KRT8: variants seen among roughly 807,000 people sequenced by gnomAD.
KRT8 encodes the protein keratin, type II cytoskeletal 8.
Under a neutral mutation model 43.0 loss-of-function variants are expected in KRT8, and 24 were observed. The observed-to-expected ratio is 0.56, with a 90% CI of 0.40 to 0.78. The LOEUF (loss-of-function observed/expected upper bound fraction) is 0.78, where lower values mean the gene tolerates loss of function less well. Among genes scored for constraint, KRT8 ranks in the 30% least tolerant of loss-of-function variants. The probability of loss-of-function intolerance (pLI) is 0.00; values close to 1 mark genes in which losing one functional copy is unlikely to be tolerated. For synonymous variants in KRT8, 214 were observed against 261.2 expected (o/e 0.82, Z 1.74); for missense variants, 492 against 638.4 (o/e 0.77, Z 2.47).
intron 2 of KRT8, chr12:52,926,294 G>A: frequency 1.2e-6 from 1 of 835,230 alleles, no homozygotes; most frequent in Non-Finnish European, 1.9e-6. Flanking sequence ...TTCCTCATCT[G>A]GTGGCTGAGG....
At chr12:52,927,995 T>C (rs193165305) in intron 2 of KRT8, among the ~76,000 whole-genome samples, 1 of 152,006 alleles carries the variant, frequency 6.6e-6, no homozygotes, top group Non-Finnish European at 1.5e-5. Context: ...GAGGCGCAGG[T>C]TGCAGTGAGC....
At position 52,918,200 on chromosome 12, in the gene KRT8, A is replaced by AAGAAGAAGAAGAAGAAGAAGAAGG. The variant is rs1565725675; in HGVS notation, c.-46-13174_-46-13173insCCTTCTTCTTCTTCTTCTTCTTCT. 1.2e-4 allele frequency among the ~76,000 whole-genome samples: 14 copies of AAGAAGAAGAAGAAGAAGAAGAAGG among 121,252 alleles called. 2 individuals carry two copies. The highest frequency in any genetic ancestry group is 2.2e-4 in the Non-Finnish European group (13 of 59,296). The allele number at this position is 121,252 out of a possible 152,430, so 79.5% of individuals were successfully genotyped here. A position where few individuals can be genotyped will look rare whatever the true frequency, so the allele number is the denominator to read the frequency against. On this transcript the variant is annotated intron_variant, in intron 2 of 6. Transcript: ENST00000546826. The stretch of plus-strand genomic sequence containing the variant: ...GAAGAGGAAGAAGAAGAAGAAGAAG[A>AAGAAGAAGAAGAAGAAGAAGAAGG]AGAACAAGAAGAAGAAGAAGAAGAA...
exon 5 of KRT8, chr12:52,899,962 G>C (rs1941323771): frequency 6.2e-7 from 1 of 1,613,324 alleles, no homozygotes; most frequent in Admixed American, 1.7e-5. Context: ...CTCGTACTGT[G>C]CCTTGACCTC....
upstream of KRT8, among the ~76,000 whole-genome samples, chr12:52,910,238 G>A (rs1427889250): frequency 6.6e-6 from 1 of 152,146 alleles, no homozygotes; most frequent in Non-Finnish European, 1.5e-5. Context: ...ATCGCCCGTG[G>A]GAGATTATAA....
chr12:52,942,165 T>G (rs377448056), intron 2 of KRT8, among the ~76,000 whole-genome samples: 1 of 152,158 alleles, frequency 6.6e-6, no homozygotes, highest in Non-Finnish European at 1.5e-5. Flanking sequence ...TAAAGCTCCA[T>G]GTTGATGATT....
exon 5 of KRT8, chr12:52,900,049 T>C (rs756079882): frequency 1.2e-6 from 2 of 1,612,646 alleles, no homozygotes; most frequent in Non-Finnish European, 1.7e-6. Flanking sequence ...GATCTGGGAC[T>C]GCAGCTCCCG....
chr12:52,935,145 C>G (rs1025743602), intron 2 of KRT8, among the ~76,000 whole-genome samples: 1 of 151,554 alleles, frequency 6.6e-6, no homozygotes, highest in Non-Finnish European at 1.5e-5. Context: ...CTTTGGGAGG[C>G]CAAGGCAGAT....
At chr12:52,900,059 G>T in exon 5 of KRT8, 1 of 1,612,362 alleles carries the variant, frequency 6.2e-7, no homozygotes, top group Non-Finnish European at 8.5e-7. Context: ...TGCAGCTCCC[G>T]GATCTCCTGT....
At chr12:52,906,084 GAAA>G (rs1274834066), upstream of KRT8, among the ~76,000 whole-genome samples, 1 of 151,528 alleles carries the variant, frequency 6.6e-6, no homozygotes, top group Non-Finnish European at 1.5e-5. Flanking sequence ...CCATCTCAAA[GAAA>G]AAAAAGAGCG....
chr12:52,932,391 A>G (rs1265776645), intron 2 of KRT8, among the ~76,000 whole-genome samples: 1 of 152,126 alleles, frequency 6.6e-6, no homozygotes, highest in Non-Finnish European at 1.5e-5. Context: ...CTGGCAAATC[A>G]TTCTTAATAG....
intron 2 of KRT8, among the ~76,000 whole-genome samples, chr12:52,918,590 CAGA>C (rs1185262222): frequency 6.6e-6 from 1 of 152,184 alleles, no homozygotes; most frequent in East Asian, 1.9e-4. Flanking sequence ...AGGGTGCAAC[CAGA>C]AGAATTTCGC....
chr12:52,900,450 T>G, intron 4 of KRT8, 138 bp downstream of exon 4: 1 of 715,684 alleles, frequency 1.4e-6, no homozygotes, highest in Admixed American at 2.0e-5. Flanking sequence ...CGAGCAAATA[T>G]TGGTGGCTGT....
intron 2 of KRT8, among the ~76,000 whole-genome samples, chr12:52,945,291 C>T (rs57146250): frequency 1.3e-5 from 2 of 152,258 alleles, no homozygotes; most frequent in South Asian, 2.1e-4. Flanking sequence ...GCCTCCCAGG[C>T]GATCCCTTCC....
upstream of KRT8, among the ~76,000 whole-genome samples, chr12:52,909,818 G>A (rs1941596440): frequency 6.6e-6 from 1 of 152,180 alleles, no homozygotes; most frequent in African/African-American, 2.4e-5. Context: ...TTGAAATTTT[G>A]CTTGTGATAA....
chr12:52,935,378 C>CAAAAAAAAAAAAAAAAAAA (rs71092794), intron 2 of KRT8, among the ~76,000 whole-genome samples: 2 of 23,752 alleles, frequency 8.4e-5, no homozygotes, highest in African/African-American at 3.9e-4. Context: ...GACTCTGTCT[C>CAAAAAAAAAAAAAAAAAAA]AAAAAAAAAA....
chr12:52,898,913 G>C lies in KRT8; in HGVS notation c.982-14C>G, dbSNP rs201190208. ...CAGGGAAGCCCTCTGTGGGGTAGGG[G>C]ACAGGTAAGTAGGTCAGGTTGGGTA... On this transcript the variant is annotated splice_polypyrimidine_tract_variant and intron_variant, in intron 5 of 7. Coordinates refer to ENST00000692008, the Ensembl canonical transcript of KRT8. 3.7e-6 allele frequency: 6 copies of C among 1,611,934 alleles called. No homozygotes were observed. The highest frequency in any genetic ancestry group is 1.3e-5 in the African/African-American group (1 of 74,882).
At chr12:52,917,441 C>T (rs1300614358) in intron 2 of KRT8, among the ~76,000 whole-genome samples, 1 of 151,578 alleles carries the variant, frequency 6.6e-6, no homozygotes, top group East Asian at 1.9e-4. Context: ...AGTGTGGTGG[C>T]TCACACCTGT....
At chr12:52,918,039 A>AGG (rs1941783016) in intron 2 of KRT8, among the ~76,000 whole-genome samples, 4 of 118,794 alleles carry the variant, frequency 3.4e-5, no homozygotes, top group East Asian at 4.0e-4. Context: ...GGAGGAGGAG[A>AGG]AGAAGAAGAA....
chr12:52,901,926 C>T (rs1460208181), exon 2 of KRT8: 4 of 1,611,452 alleles, frequency 2.5e-6, no homozygotes, highest in East Asian at 2.2e-5. Flanking sequence ...GCTTCAGCTT[C>T]TCCTGGCCCA....
Sources: allele counts gnomAD v4.1 joint callset (sites outside exome capture counted in the v4.1 genomes callset), GRCh38; gene constraint gnomAD v4.1.1; transcripts MANE v1.5; gene names NCBI Gene and HGNC (gene_info 2026-07-23, HGNC 2026-07-21).